SLC1A2: variants seen among roughly 807,000 people sequenced by gnomAD.
SLC1A2 encodes the protein excitatory amino acid transporter 2.
A neutral mutation model predicts 48.8 loss-of-function variants in SLC1A2; 15 were observed. The ratio of observed to expected loss-of-function variants is 0.31; its 90% CI spans 0.21 to 0.47. SLC1A2 has a LOEUF of 0.47. SLC1A2 is among the 20% of genes least tolerant of loss of function. The probability of loss-of-function intolerance (pLI) is 0.99; values close to 1 mark genes in which losing one functional copy is unlikely to be tolerated. For synonymous variants in SLC1A2, 279 were observed against 272.6 expected (o/e 1.02, Z -0.23); for missense variants, 502 against 730.5 (o/e 0.69, Z 3.61).
Position 35,251,695 on chromosome 11 carries a change from A to G in SLC1A2, c.*9199T>C, listed in dbSNP as rs2134547989. The G allele has an allele frequency of 6.5e-6, 1 of 152,752 alleles. No individual in the cohort carries two copies. The highest frequency in any genetic ancestry group is 6.5e-5 in the Admixed American group (1 of 15,296). The allele number at this position is 152,752 out of a possible 1,614,324, so 9.5% of individuals were successfully genotyped here. On this transcript the variant is annotated 3_prime_UTR_variant, in exon 11 of 11. Coordinates refer to ENST00000278379, the MANE Select transcript of SLC1A2 (RefSeq NM_004171.4). ...AAGGAGTTGAAGAAGCCACATTTTC[A>G]AGGAAAAATTAGCCTGTCCACCATA...
In SLC1A2 at chr11:35,265,633, A is replaced by T; in HGVS notation, c.1547T>A (p.Met516Lys). ...SQHRVHEDIE[M>K]TKTQSIYDDM... is the part of the protein sequence containing the mutation. ...ATCATAAATGGATTGAGTCTTGGTC[A>T]TTTCAATATCTTCATGCACTCGATG... Residue 516 changes from methionine (M) to lysine (K), a missense_variant, in exon 10 of 11, where the codon ATG (methionine) becomes AAG (lysine). Met to Lys is a moderately conservative substitution (Grantham distance 95). This residue lies in a region of SLC1A2 where 102 missense variants were observed against 107.2 expected (regional missense o/e 0.95). Transcript: ENST00000278379. 1 of 1,612,860 alleles carries T rather than the reference A, an allele frequency of 6.2e-7. No homozygotes were observed.
chr11:35,419,826 G>T, upstream of SLC1A2: 1 of 370,206 alleles, frequency 2.7e-6, no homozygotes, highest in Non-Finnish European at 5.7e-6. The surrounding 1 kb of genome is among the most constrained non-coding windows in gnomAD (Gnocchi z 5.4). Flanking sequence ...GACCCGGGAT[G>T]CCCCTCCGTC....
intron 1 of SLC1A2, among the ~76,000 whole-genome samples, chr11:35,351,793 G>A (rs533664187): frequency 6.6e-6 from 1 of 151,922 alleles, no homozygotes; most frequent in Non-Finnish European, 1.5e-5. Context: ...ATGCCACTAC[G>A]CCCTGTTAAT....
At chr11:35,373,210 G>A (rs370112029) in intron 1 of SLC1A2, among the ~76,000 whole-genome samples, 1 of 152,210 alleles carries the variant, frequency 6.6e-6, no homozygotes, top group African/African-American at 2.4e-5. Context: ...AGGCAAGGGC[G>A]TGTGAGATGG....
intron 1 of SLC1A2, among the ~76,000 whole-genome samples, chr11:35,386,275 T>C (rs1854581255): frequency 6.6e-6 from 1 of 152,244 alleles, no homozygotes. Flanking sequence ...TCAGGTTTGT[T>C]TTTTCCATGG....
intron 1 of SLC1A2, among the ~76,000 whole-genome samples, chr11:35,352,935 G>A (rs1853316167): frequency 6.6e-6 from 1 of 152,164 alleles, no homozygotes. Flanking sequence ...AACTGTCCCA[G>A]CAGTGACAAC....
chr11:35,304,625 C>A (rs1030457924), intron 5 of SLC1A2, among the ~76,000 whole-genome samples: 1 of 152,116 alleles, frequency 6.6e-6, no homozygotes, highest in South Asian at 2.1e-4. Flanking sequence ...ACTCATCCAA[C>A]CTGCTTCCTG....
At chr11:35,324,625 T>C (rs181764122) in intron 1 of SLC1A2, among the ~76,000 whole-genome samples, 1 of 152,310 alleles carries the variant, frequency 6.6e-6, no homozygotes, top group Admixed American at 6.5e-5. Context: ...ACATTGGTGC[T>C]GGTGCTTTTT....
At chr11:35,303,224 C>A (rs1438233867) in intron 5 of SLC1A2, among the ~76,000 whole-genome samples, 3 of 152,074 alleles carry the variant, frequency 2.0e-5, no homozygotes, top group Admixed American at 6.5e-5. Context: ...GTCATCTAAC[C>A]CACTAACCTC....
chr11:35,288,442 G>A (rs968588982), intron 7 of SLC1A2, among the ~76,000 whole-genome samples: 74 of 152,248 alleles, frequency 4.9e-4, no homozygotes, highest in African/African-American at 1.7e-3. Context: ...CTATCTTAAT[G>A]AGAAGTCAGT....
intron 1 of SLC1A2, among the ~76,000 whole-genome samples, chr11:35,341,221 G>C (rs1852829458): frequency 6.6e-6 from 1 of 152,150 alleles, no homozygotes; most frequent in Non-Finnish European, 1.5e-5. Context: ...GGAGGTCCCA[G>C]GCCGGAGAGG....
intron 1 of SLC1A2, among the ~76,000 whole-genome samples, chr11:35,337,334 G>A (rs1852671424): frequency 6.6e-6 from 1 of 152,178 alleles, no homozygotes; most frequent in Admixed American, 6.5e-5. Context: ...AAAGAGGGTA[G>A]TCAGAAAGGC....
intron 1 of SLC1A2, among the ~76,000 whole-genome samples, chr11:35,398,865 C>T (rs1447290095): frequency 6.6e-6 from 1 of 152,208 alleles, no homozygotes; most frequent in Non-Finnish European, 1.5e-5. Flanking sequence ...CGCTGCCCAA[C>T]TGCGTCAGAG....
At chr11:35,417,503 G>C (rs116884179) in intron 1 of SLC1A2, among the ~76,000 whole-genome samples, 1 of 152,186 alleles carries the variant, frequency 6.6e-6, no homozygotes, top group Admixed American at 6.5e-5. Flanking sequence ...TAATATAAAA[G>C]CCTTTTTAAC....
chr11:35,324,779 T>C (rs1301966846), intron 1 of SLC1A2, among the ~76,000 whole-genome samples: 1 of 152,190 alleles, frequency 6.6e-6, no homozygotes, highest in Non-Finnish European at 1.5e-5. Flanking sequence ...TCTGGACTTC[T>C]GTGAAATCCT....
chr11:35,311,383 T>C (rs1034985632), intron 4 of SLC1A2, among the ~76,000 whole-genome samples: 1 of 152,010 alleles, frequency 6.6e-6, no homozygotes, highest in Non-Finnish European at 1.5e-5. Flanking sequence ...TGGTTTTGAA[T>C]TCCTAACCTC....
At chr11:35,271,254 A>C (rs547388010) in intron 9 of SLC1A2, among the ~76,000 whole-genome samples, 1 of 152,310 alleles carries the variant, frequency 6.6e-6, no homozygotes, top group Admixed American at 6.5e-5. Flanking sequence ...CTCAGTTATG[A>C]GCAGATGCCC....
intron 1 of SLC1A2, chr11:35,404,304 C>A (rs571151359): frequency 3.0e-4 from 46 of 152,372 alleles, no homozygotes; most frequent in Non-Finnish European, 5.1e-4. Context: ...CCAGAAAAAA[C>A]CAGGCTGAAC....
intron 1 of SLC1A2, chr11:35,404,328 G>A (rs377450440): frequency 1.3e-5 from 2 of 152,240 alleles, no homozygotes; most frequent in East Asian, 1.9e-4. Flanking sequence ...CCCAAGCTCC[G>A]GAACCAGCAA....
Sources: gnomAD v4.1 joint callset for allele counts (sites outside exome capture counted in the v4.1 genomes callset) on GRCh38, gnomAD v4.1.1 for gene constraint, gnomAD v4.1.1 regional missense constraint, Gnocchi (gnomAD v3.1) non-coding constraint, MANE v1.5 for transcripts, NCBI Gene and HGNC (gene_info 2026-07-23, HGNC 2026-07-21) for gene names.